The following HTR1E variants were observed in gnomAD, a reference collection of about 807,000 sequenced individuals.
HTR1E encodes 5-hydroxytryptamine receptor 1E, also known as 5-HT-1E.
In HTR1E, 3 loss-of-function variants were observed where a neutral mutation model predicts 3.4. The ratio of observed to expected loss-of-function variants is 0.89; its 90% CI spans 0.41 to 2.31. HTR1E has a LOEUF of 2.31. Ranked by LOEUF, HTR1E falls within the 30% of genes most tolerant of loss-of-function variation. The pLI is 0.05. For missense variants in HTR1E, 392 were observed against 467.0 expected (o/e 0.84, Z 1.48); for synonymous variants, 170 against 182.8 (o/e 0.93, Z 0.56).
At chr6:87,009,873 C>T (rs1197770281) in intron 1 of HTR1E, among the ~76,000 whole-genome samples, 1 of 116,564 alleles carries the variant, frequency 8.6e-6, no homozygotes, top group Non-Finnish European at 1.7e-5. Context: ...GGCGGCTGGC[C>T]GGGCGGGGGG....
At chr6:86,997,563 G>A (rs1380035859) in intron 1 of HTR1E, among the ~76,000 whole-genome samples, 3 of 151,524 alleles carry the variant, frequency 2.0e-5, no homozygotes, top group African/African-American at 7.3e-5. Context: ...TGTGAAAACC[G>A]AAATTTCAAA....
In HTR1E at chr6:86,990,691, C is replaced by A. The variant is rs533104724; in HGVS notation, c.-185-24459C>A. ...TTTCCCCAGAACTAAAGGCTACTGC[C>A]CCCTTGGGACTGAATCATAAATATA... is the stretch of plus-strand genomic sequence containing the variant. On this transcript the variant is annotated intron_variant, in intron 1 of 1. Transcript: ENST00000305344. Among the ~76,000 whole-genome samples, 3 of 152,192 alleles carry A rather than the reference C, an allele frequency of 2.0e-5. No homozygotes were observed. The East Asian group carries it at 5.8e-4, about 29-fold the overall frequency.
chr6:87,002,922 C>G (rs1037813433), intron 1 of HTR1E, among the ~76,000 whole-genome samples: 1 of 152,130 alleles, frequency 6.6e-6, no homozygotes, highest in Non-Finnish European at 1.5e-5. Flanking sequence ...ATCATCCAGA[C>G]AGAAAATCAA....
chr6:87,007,752 C>T (rs1191021530), intron 1 of HTR1E, among the ~76,000 whole-genome samples: 1 of 152,020 alleles, frequency 6.6e-6, no homozygotes, highest in Non-Finnish European at 1.5e-5. Flanking sequence ...CTGGGCAACA[C>T]GGTGAAACCC....
chr6:86,971,022 T>C (rs1767545130), intron 1 of HTR1E: 5 of 476,910 alleles, frequency 1.0e-5, no homozygotes, highest in Non-Finnish European at 2.0e-5. Flanking sequence ...ATCTGATTCA[T>C]GAGATCTATA....
intron 1 of HTR1E, among the ~76,000 whole-genome samples, chr6:86,967,534 T>C (rs1165142816): frequency 6.6e-6 from 1 of 152,194 alleles, no homozygotes; most frequent in Non-Finnish European, 1.5e-5. Context: ...TTAACATTCG[T>C]TAAACACCCA....
At chr6:86,975,947 ACT>A (rs1554182862) in intron 1 of HTR1E, among the ~76,000 whole-genome samples, 32 of 139,772 alleles carry the variant, frequency 2.3e-4, no homozygotes, top group Non-Finnish European at 3.5e-4. Context: ...ACACACACAC[ACT>A]CTCTCTCTCT....
At chr6:87,007,819 A>G (rs2127832106) in intron 1 of HTR1E, among the ~76,000 whole-genome samples, 1 of 152,230 alleles carries the variant, frequency 6.6e-6, no homozygotes, top group East Asian at 1.9e-4. Context: ...CTGTGGTCCC[A>G]GCTGCTCAAA....
Position 87,016,250 on chromosome 6 carries a change from C to T in HTR1E, c.916C>T (p.Pro306Ser). 1 of 1,614,102 alleles carries T rather than the reference C, an allele frequency of 6.2e-7. No individual in the cohort carries two copies. Among genetic ancestry groups the T allele is most frequent in the Non-Finnish European group, 8.5e-7 (1 of 1,179,988 alleles). ...GGGTGCATTCATTTTATCCTGGCTGCCATTTTTCATCAAAGAGTTGATTGT... is the reference window on the plus strand; with the variant it reads ...GGGTGCATTCATTTTATCCTGGCTGTCATTTTTCATCAAAGAGTTGATTGT... The part of the protein sequence containing the change: ...ILGAFILSWL[P>S]FFIKELIVGL... The change falls in exon 2 of 2, where the codon CCA (proline) becomes TCA (serine). Residue 306 changes from proline (P) to serine (S), a missense_variant. This residue lies in a region of HTR1E where 178 missense variants were observed against 164.9 expected (regional missense o/e 1.08). Transcript: ENST00000305344.
intron 1 of HTR1E, among the ~76,000 whole-genome samples, chr6:87,013,888 A>T (rs183423643): frequency 2.0e-4 from 30 of 152,318 alleles, no homozygotes; most frequent in Non-Finnish European, 3.4e-4. Flanking sequence ...AAACATATGA[A>T]AAAAAGCTCA....
At chr6:86,978,092 A>G (rs554318534) in intron 1 of HTR1E, among the ~76,000 whole-genome samples, 1 of 152,346 alleles carries the variant, frequency 6.6e-6, no homozygotes, top group African/African-American at 2.4e-5. Flanking sequence ...GAAGTAAATC[A>G]TTCTATATGC....
intron 1 of HTR1E, among the ~76,000 whole-genome samples, chr6:87,002,819 T>A (rs914070735): frequency 6.6e-6 from 1 of 152,150 alleles, no homozygotes; most frequent in Non-Finnish European, 1.5e-5. Context: ...CACACAGATA[T>A]ATAAAACAAA....
chr6:86,991,255 A>G lies in HTR1E; in HGVS notation c.-185-23895A>G, dbSNP rs148378646. Reference sequence around the variant, plus strand: ...AATACAATGTGGTGTCCTGAATTGGAACAGAAAGAAGACATTAATGCAAAA... The same window carrying G: ...AATACAATGTGGTGTCCTGAATTGGGACAGAAAGAAGACATTAATGCAAAA... On this transcript the variant is annotated intron_variant, in intron 1 of 1. Transcript: ENST00000305344. 3.6e-3 allele frequency among the ~76,000 whole-genome samples: 541 copies of G among 152,324 alleles called. 5 individuals are homozygous for G. Among genetic ancestry groups the G allele is most frequent in the African/African-American group, 0.012 (499 of 41,572 alleles).
rs532576153 is a variant in HTR1E at position 87,008,979 on chromosome 6, G to A, written c.-185-6171G>A. Among the ~76,000 whole-genome samples the A allele has an allele frequency of 3.9e-5, 6 of 152,012 alleles. No individual in the cohort carries two copies. In the South Asian group the frequency reaches 1.2e-3, roughly 32 times the overall value. ...CACTCAAATATATACCCCTGATAAT[G>A]ATAGTTTTGGTTTGCTTGTTTTTAT... On this transcript the variant is annotated intron_variant, in intron 1 of 1. Coordinates refer to ENST00000305344, the MANE Select transcript of HTR1E (RefSeq NM_000865.3).
At chr6:86,970,089 A>C (rs1379818740) in intron 1 of HTR1E, among the ~76,000 whole-genome samples, 1 of 152,136 alleles carries the variant, frequency 6.6e-6, no homozygotes, top group Non-Finnish European at 1.5e-5. Flanking sequence ...ATTTTCTGTC[A>C]CTTCTAGAAA....
chr6:86,957,204 A>AT (rs1767338628), intron 1 of HTR1E, among the ~76,000 whole-genome samples: 1 of 152,212 alleles, frequency 6.6e-6, no homozygotes, highest in African/African-American at 2.4e-5. Flanking sequence ...GCCCAGGGGC[A>AT]TTTTTGCTGG....
At chr6:86,991,753 A>G (rs1047424093) in intron 1 of HTR1E, among the ~76,000 whole-genome samples, 39 of 152,310 alleles carry the variant, frequency 2.6e-4, no homozygotes, top group African/African-American at 9.4e-4. Flanking sequence ...AAAAGCTCAA[A>G]CCAACAAGTA....
chr6:87,015,709 C>T lies in HTR1E; in HGVS notation c.375C>T (p.Thr125=). The T allele has an allele frequency of 6.2e-7, 1 of 1,613,352 alleles. No individual in the cohort carries two copies. Among genetic ancestry groups the T allele is most frequent in the Non-Finnish European group, 8.5e-7 (1 of 1,179,578 alleles). ...CCCTGGACAGGTACTGGGCCATCAC[C>T]AATGCTATTGAATACGCCAGGAAGA... The part of the protein sequence containing the change: ...VIALDRYWAI[T]NAIEYARKRT... Residue 125 remains threonine, a synonymous_variant, in exon 2 of 2, where the codon ACC becomes ACT. Transcript: ENST00000305344.
chr6:86,959,556 G>A (rs574266214), intron 1 of HTR1E, among the ~76,000 whole-genome samples: 140 of 152,228 alleles, frequency 9.2e-4, no homozygotes, highest in Non-Finnish European at 1.6e-3. Flanking sequence ...GCACTCCAGC[G>A]ACTAGTGTTT....
Sources: allele counts gnomAD v4.1 joint callset (sites outside exome capture counted in the v4.1 genomes callset), GRCh38; gene constraint gnomAD v4.1.1; regional missense constraint gnomAD v4.1.1; transcripts MANE v1.5; gene names NCBI Gene and HGNC (gene_info 2026-07-23, HGNC 2026-07-21).